The following GBP6 variants were observed in gnomAD, a reference collection of about 807,000 sequenced individuals.
The protein encoded by GBP6 is guanylate binding protein family member 6.
GBP6 carries 54 observed loss-of-function variants against 61.5 expected under a neutral mutation model. That is an observed-to-expected ratio of 0.88 (90% CI 0.71 to 1.10). GBP6 has a LOEUF of 1.10. Among genes scored for constraint, GBP6 ranks in the 50% least tolerant of loss-of-function variants. The pLI, the probability that GBP6 is intolerant of heterozygous loss-of-function variation, is 0.00. For missense variants in GBP6, 748 were observed against 752.8 expected (o/e 0.99, Z 0.07); for synonymous variants, 255 against 273.7 (o/e 0.93, Z 0.67).
chr1:89,383,967 G>A (rs755496200), intron 9 of GBP6, 126 bp from the exon 10 acceptor site: 2 of 1,012,300 alleles, frequency 2.0e-6, no homozygotes, highest in Admixed American at 2.9e-5. Flanking sequence ...TCTTAATGGT[G>A]TGGACCTGGG....
chr1:89,383,713 A>G lies in GBP6; in HGVS notation c.1427A>G (p.Gln476Arg). 2 of 1,613,102 alleles carry G rather than the reference A, an allele frequency of 1.2e-6. No individual in the cohort carries two copies. The highest frequency in any genetic ancestry group is 2.2e-5 in the South Asian group (2 of 90,826). The part of the protein sequence containing the change: ...SQMVIEESIL[Q>R]SDKALTDREK... Reference sequence around the variant, plus strand: ...ATGGTGATAGAGGAATCCATCTTGCAGTCAGATAAAGCCCTCACTGATAGA... The same window carrying G: ...ATGGTGATAGAGGAATCCATCTTGCGGTCAGATAAAGCCCTCACTGATAGA... The change falls in exon 9 of 11, where the codon CAG becomes CGG. Residue 476 changes from glutamine to arginine, a missense_variant. By Grantham distance (43) the Gln-to-Arg change is conservative (BLOSUM62 1). Transcript: ENST00000370456.
intron 3 of GBP6, among the ~76,000 whole-genome samples, chr1:89,370,556 T>A (rs1008923456): frequency 5.3e-5 from 8 of 152,188 alleles, no homozygotes; most frequent in Non-Finnish European, 1.0e-4. Context: ...ATAAATAATT[T>A]CTCTCTTTTA....
chr1:89,369,793 C>G, intron 3 of GBP6, 120 bp downstream of exon 3: 1 of 1,235,724 alleles, frequency 8.1e-7, no homozygotes, highest in African/African-American at 1.5e-5. Flanking sequence ...CAAACTTTGA[C>G]CTGTTTGAAT....
At chr1:89,366,176 T>G (rs1319711509) in intron 1 of GBP6, among the ~76,000 whole-genome samples, 8 of 152,212 alleles carry the variant, frequency 5.3e-5, no homozygotes, top group Admixed American at 5.2e-4. Context: ...TCTATTAATA[T>G]GTATGTACAT....
At chr1:89,379,807 CTT>C (rs996181595) in intron 5 of GBP6, among the ~76,000 whole-genome samples, 14 of 152,234 alleles carry the variant, frequency 9.2e-5, no homozygotes, top group African/African-American at 3.4e-4. Flanking sequence ...CGAATACAGT[CTT>C]TTAAGAGTTT....
At chr1:89,382,431 T>C (rs111676073) in intron 7 of GBP6, among the ~76,000 whole-genome samples, 14,839 of 152,316 alleles carry the variant, frequency 0.097, 987 homozygotes, top group Middle Eastern at 0.16. Context: ...AGTCTCATCA[T>C]GTCACAGATA....
chr1:89,386,851 A>T lies in GBP6; in HGVS notation c.*1382A>T, dbSNP rs6669782. 6.6e-6 allele frequency among the ~76,000 whole-genome samples: 1 copy of T among 152,158 alleles called. No individual in the cohort carries two copies. Among genetic ancestry groups the T allele is most frequent in the African/African-American group, 2.4e-5 (1 of 41,426 alleles). ...CCCCCTGATGGGGGATGATAGACCC[A>T]GACACATAGAGGCCTGGTGTTGACC... On this transcript the variant is annotated 3_prime_UTR_variant, in exon 11 of 11. Coordinates refer to ENST00000370456, the MANE Select transcript of GBP6 (RefSeq NM_198460.3).
chr1:89,384,539 T>C (rs1318168766), intron 10 of GBP6, among the ~76,000 whole-genome samples: 1 of 152,198 alleles, frequency 6.6e-6, no homozygotes, highest in East Asian at 1.9e-4. Context: ...GGAATATAAA[T>C]AGGGTCGAAG....
chr1:89,372,988 T>A (rs2100662264), intron 3 of GBP6, among the ~76,000 whole-genome samples: 1 of 151,946 alleles, frequency 6.6e-6, no homozygotes, highest in East Asian at 1.9e-4. Flanking sequence ...AACAACCCCA[T>A]CAAAAAGTGG....
chr1:89,364,909 G>T (rs958221784), intron 1 of GBP6, among the ~76,000 whole-genome samples: 2 of 151,280 alleles, frequency 1.3e-5, no homozygotes, highest in Admixed American at 6.6e-5. Flanking sequence ...TTTAAGCCCC[G>T]CATGCATTAG....
intron 8 of GBP6, 21 bp from the exon 9 acceptor site, chr1:89,383,631 T>A: frequency 6.7e-7 from 1 of 1,495,504 alleles, no homozygotes; most frequent in East Asian, 2.3e-5. Context: ...GAAATCTAAG[T>A]GCTTTTTCTT....
chr1:89,378,755 C>G (rs748062606), intron 5 of GBP6, 142 bp downstream of exon 5: 1 of 620,910 alleles, frequency 1.6e-6, no homozygotes, highest in African/African-American at 1.8e-5. Context: ...TGTTGAAGAG[C>G]TCTAGGAATG....
chr1:89,380,268 A>C, intron 5 of GBP6, 118 bp from the exon 6 acceptor site: 1 of 778,684 alleles, frequency 1.3e-6, no homozygotes, highest in Non-Finnish European at 2.1e-6. Context: ...TTTTATGTTA[A>C]AGGAGGTCTG....
Position 89,381,985 on chromosome 1 carries a change from T to G in GBP6, c.1152+11T>G, listed in dbSNP as rs199658180. 3 of 1,596,040 alleles carry G rather than the reference T, an allele frequency of 1.9e-6. No homozygotes were observed. The highest frequency in any genetic ancestry group is 2.6e-6 in the Non-Finnish European group (3 of 1,169,498). ...CAGAAGAAGTTCATGGTAATTTGCCTTAGTCATTACTGTTCATCATCCTTC... is the reference window on the plus strand; with the variant it reads ...CAGAAGAAGTTCATGGTAATTTGCCGTAGTCATTACTGTTCATCATCCTTC... On this transcript the variant is annotated intron_variant, in intron 7 of 10. Coordinates refer to ENST00000370456, the MANE Select transcript of GBP6 (RefSeq NM_198460.3).
intron 1 of GBP6, among the ~76,000 whole-genome samples, chr1:89,367,386 T>G (rs1248297637): frequency 6.6e-6 from 1 of 152,202 alleles, no homozygotes. Flanking sequence ...AACATGTACC[T>G]CATTGTAGTT....
intron 3 of GBP6, 101 bp downstream of exon 3, chr1:89,369,774 C>T (rs1244284707): frequency 7.2e-7 from 1 of 1,382,604 alleles, no homozygotes; most frequent in Non-Finnish European, 9.7e-7. Context: ...CCAACTATAG[C>T]AAATAAGGCA....
At position 89,380,376 on chromosome 1, in the gene GBP6, TA is replaced by T; in HGVS notation, c.626-9del. 6.3e-7 allele frequency: 1 copy of T among 1,590,420 alleles called. No homozygotes were observed. The highest frequency in any genetic ancestry group is 1.7e-5 in the Admixed American group (1 of 57,842). ...TTTCACTATATTCTCTGTTTTTTTT[TA>T]TCCCTCAGGCAATAATCCCAGAGTT... is the stretch of plus-strand genomic sequence containing the variant. On this transcript the variant is annotated splice_polypyrimidine_tract_variant and intron_variant, in intron 5 of 10. Coordinates refer to ENST00000370456, the MANE Select transcript of GBP6 (RefSeq NM_198460.3).
intron 3 of GBP6, among the ~76,000 whole-genome samples, chr1:89,375,655 C>A (rs4575068): frequency 0.79 from 120,156 of 151,936 alleles, 47,658 homozygotes; most frequent in African/African-American, 0.86. Context: ...TGGATATTAG[C>A]CCCTTATCAA....
Position 89,383,800 on chromosome 1 carries a change from A to G in GBP6, c.1468+46A>G, listed in dbSNP as rs757948713. The G allele has an allele frequency of 4.5e-6, 6 of 1,345,020 alleles. No individual in the cohort carries two copies. The Admixed American group carries it at 1.1e-4, about 24-fold the overall frequency. The allele number at this position is 1,345,020 out of a possible 1,614,324, so 83.3% of individuals were successfully genotyped here. A position where few individuals can be genotyped will look rare whatever the true frequency, so the allele number is the denominator to read the frequency against. On this transcript the variant is annotated intron_variant, in intron 9 of 10. Transcript: ENST00000370456. Reference sequence around the variant, plus strand: ...TACACAGGAGGGGTACGTTTATACAATGCCCTCTAACAGATCTAACAGGAA... The same window carrying G: ...TACACAGGAGGGGTACGTTTATACAGTGCCCTCTAACAGATCTAACAGGAA...
Sources: gnomAD v4.1 joint callset for allele counts (sites outside exome capture counted in the v4.1 genomes callset) on GRCh38, gnomAD v4.1.1 for gene constraint, MANE v1.5 for transcripts, NCBI Gene and HGNC (gene_info 2026-07-23, HGNC 2026-07-21) for gene names.